FGD4: variants seen among roughly 807,000 people sequenced by gnomAD.
The protein encoded by FGD4 is FYVE, RhoGEF and PH domain-containing protein 4.
Under a neutral mutation model 102.0 loss-of-function variants are expected in FGD4, and 42 were observed. That is an observed-to-expected ratio of 0.41 (90% CI 0.32 to 0.53). The LOEUF (loss-of-function observed/expected upper bound fraction) is 0.53. FGD4 is among the 20% of genes least tolerant of loss of function. The probability of loss-of-function intolerance (pLI) is 0.21; values close to 1 mark genes in which losing one functional copy is unlikely to be tolerated. For missense variants in FGD4, 902 were observed against 1,078.2 expected (o/e 0.84, Z 2.29); for synonymous variants, 380 against 375.7 (o/e 1.01, Z -0.13).
Position 32,576,325 on chromosome 12 carries a change from A to G in FGD4, c.379A>G (p.Arg127Gly). The change falls in exon 3 of 17, where the codon AGG becomes GGG. Residue 127 changes from arginine to glycine, a missense_variant. By Grantham distance (125) the Arg-to-Gly change is moderately radical. Coordinates refer to ENST00000534526, the MANE Select transcript of FGD4 (RefSeq NM_001370298.3). Reference sequence around the variant, plus strand: ...TTCGTCCAATATACACCAAACCCCCAGGCATAAAGCTTTACCTAGTGCAAA... The same window carrying G: ...TTCGTCCAATATACACCAAACCCCCGGGCATAAAGCTTTACCTAGTGCAAA... ...SPSSNIHQTP[R>G]HKALPSAKPR... 6.2e-7 allele frequency: 1 copy of G among 1,613,934 alleles called. No individual in the cohort carries two copies. The highest frequency in any genetic ancestry group is 1.3e-5 in the African/African-American group (1 of 75,038).
At chr12:32,559,506 A>G (rs1445441005) in intron 1 of FGD4, among the ~76,000 whole-genome samples, 2 of 152,204 alleles carry the variant, frequency 1.3e-5, no homozygotes, top group South Asian at 2.1e-4. Context: ...GCTTTGTGAT[A>G]GTGGCTGAAA....
chr12:32,529,058 C>T (rs11052051), intron 1 of FGD4, among the ~76,000 whole-genome samples: 7,702 of 152,264 alleles, frequency 0.051, 276 homozygotes, highest in South Asian at 0.1. Flanking sequence ...ACTTGGCATA[C>T]GTTCAAGAAT....
intron 2 of FGD4, among the ~76,000 whole-genome samples, chr12:32,566,150 T>C (rs562226107): frequency 5.1e-4 from 78 of 152,308 alleles, no homozygotes; most frequent in African/African-American, 1.8e-3. Flanking sequence ...CAAGATCAGA[T>C]TCAGAGTGTA....
intron 1 of FGD4, among the ~76,000 whole-genome samples, chr12:32,522,133 T>C (rs1191725866): frequency 6.6e-6 from 1 of 152,242 alleles, no homozygotes; most frequent in Non-Finnish European, 1.5e-5. Flanking sequence ...TACAAAGATA[T>C]TTAAAAGCTG....
intron 4 of FGD4, 147 bp from the exon 5 acceptor site, chr12:32,598,350 T>G (rs1457515128): frequency 1.6e-6 from 1 of 610,012 alleles, no homozygotes; most frequent in Non-Finnish European, 2.9e-6. Flanking sequence ...CATTTCTGGT[T>G]TGACATCTCT....
intron 1 of FGD4, among the ~76,000 whole-genome samples, chr12:32,552,944 A>ATTTTTTTTTTTTTT (rs71068326): frequency 1.6e-5 from 2 of 123,898 alleles, no homozygotes; most frequent in African/African-American, 3.2e-5. Flanking sequence ...CGCCTGGCTA[A>ATTTTTTTTTTTTTT]TTTTTTTTTT....
At chr12:32,482,236 G>T (rs938317941) in intron 1 of FGD4, among the ~76,000 whole-genome samples, 4 of 152,242 alleles carry the variant, frequency 2.6e-5, no homozygotes, top group Admixed American at 1.3e-4. Flanking sequence ...CAAAGCAGTT[G>T]CTGTCTTTTT....
intron 1 of FGD4, among the ~76,000 whole-genome samples, chr12:32,488,567 G>A (rs1294936297): frequency 6.6e-6 from 1 of 151,826 alleles, no homozygotes; most frequent in Non-Finnish European, 1.5e-5. Flanking sequence ...TAGATGGTGT[G>A]ATATAGGCAA....
At chr12:32,436,680 C>G (rs1296242824) in intron 1 of FGD4, among the ~76,000 whole-genome samples, 1 of 152,044 alleles carries the variant, frequency 6.6e-6, no homozygotes, top group Non-Finnish European at 1.5e-5. Context: ...TGTCTTGGGT[C>G]TGGTCTTAAA....
In FGD4 at chr12:32,640,555, G is replaced by A. The variant is rs114284024; in HGVS notation, c.*22G>A. The A allele has an allele frequency of 2.2e-3, 3,513 of 1,613,074 alleles. 56 individuals carry two copies. The African/African-American group carries it at 0.037, about 17-fold the overall frequency. ...CTGAACTCCTCCAGGACCAGCCATG[G>A]TGTGGAGGTCTCAGGACTTACAGCT... On this transcript the variant is annotated 3_prime_UTR_variant, in exon 17 of 17. Transcript: ENST00000534526.
chr12:32,407,103 G>A (rs1297057603), intron 1 of FGD4, among the ~76,000 whole-genome samples: 1 of 143,264 alleles, frequency 7.0e-6, no homozygotes, highest in African/African-American at 2.6e-5. Flanking sequence ...GAGCCACCAC[G>A]CCCGGCCAAG....
intron 11 of FGD4, among the ~76,000 whole-genome samples, chr12:32,620,189 A>C (rs1949722438): frequency 6.6e-6 from 1 of 152,202 alleles, no homozygotes; most frequent in Non-Finnish European, 1.5e-5. Context: ...TTCTCTCCTA[A>C]TCCTATGTTC....
At position 32,407,821 on chromosome 12, in the gene FGD4, C is replaced by T. The variant is rs140114695; in HGVS notation, c.166+7862C>T. On this transcript the variant is annotated intron_variant, in intron 1 of 16. Transcript: ENST00000534526. ...TCACTTCAGACTTGGTTTATAGACT[C>T]CTTTATTGCAGCCCTCTCCTTTTTA... Among the ~76,000 whole-genome samples the T allele has an allele frequency of 9.0e-3, 1,369 of 152,156 alleles. 5 individuals carry two copies. The highest frequency in any genetic ancestry group is 0.014 in the Non-Finnish European group (944 of 68,004).
intron 1 of FGD4, chr12:32,502,141 C>G: frequency 1.0e-6 from 1 of 985,504 alleles, no homozygotes; most frequent in Middle Eastern, 5.2e-4. Context: ...ACCATCTGTT[C>G]ACTCCCCACC....
chr12:32,612,350 C>T (rs1162101096), intron 10 of FGD4, among the ~76,000 whole-genome samples: 4 of 152,206 alleles, frequency 2.6e-5, no homozygotes, highest in Admixed American at 6.5e-5. Context: ...CCAGGCTCGC[C>T]TTTGGCAGGC....
At chr12:32,402,357 C>G (rs1476079693) in intron 1 of FGD4, among the ~76,000 whole-genome samples, 2 of 151,596 alleles carry the variant, frequency 1.3e-5, no homozygotes, top group East Asian at 3.9e-4. Context: ...ATGATCGTTT[C>G]ACTGTATTCC....
At chr12:32,465,452 G>A (rs1244939745) in intron 1 of FGD4, among the ~76,000 whole-genome samples, 1 of 151,682 alleles carries the variant, frequency 6.6e-6, no homozygotes, top group African/African-American at 2.4e-5. Context: ...GGCAGATCAC[G>A]AGGTCAAGAG....
At chr12:32,404,811 G>T (rs1035578186) in intron 1 of FGD4, among the ~76,000 whole-genome samples, 2 of 152,140 alleles carry the variant, frequency 1.3e-5, no homozygotes, top group Non-Finnish European at 2.9e-5. Context: ...ATGATGGATG[G>T]TGTGCATGTG....
chr12:32,624,711 C>T lies in FGD4; in HGVS notation c.1953+259C>T, dbSNP rs112073862. ...CTGATCTCGAACTCCTGAGCTCAAG[C>T]GATCTGCCTGCCTCGGTCTCCCAAA... On this transcript the variant is annotated intron_variant, in intron 12 of 16. Transcript: ENST00000534526. 7.7e-4 allele frequency: 503 copies of T among 656,554 alleles called. 4 individuals are homozygous for T. The African/African-American group carries it at 7.7e-3, about 10-fold the overall frequency. 40.7% of individuals were successfully genotyped at this position (656,554 alleles called of 1,614,324 possible). A position where few individuals can be genotyped will look rare whatever the true frequency, so the allele number is the denominator to read the frequency against.
Sources: gnomAD v4.1 joint callset for allele counts (sites outside exome capture counted in the v4.1 genomes callset) on GRCh38, gnomAD v4.1.1 for gene constraint, MANE v1.5 for transcripts, NCBI Gene and HGNC (gene_info 2026-07-23, HGNC 2026-07-21) for gene names.